Variants in NPTX2 observed in about 807,000 individuals in gnomAD.
NPTX2 encodes the protein neuronal pentraxin-2.
In NPTX2, 23 loss-of-function variants were observed where a neutral mutation model predicts 38.1. The ratio of observed to expected loss-of-function variants is 0.60; its 90% CI spans 0.43 to 0.85. NPTX2 has a LOEUF of 0.85. Ranked by LOEUF, NPTX2 falls within the 40% of genes least tolerant of loss-of-function variation. NPTX2 has a pLI of 0.00. For missense variants in NPTX2, 553 were observed against 615.3 expected (o/e 0.90, Z 1.07); for synonymous variants, 291 against 287.3 (o/e 1.01, Z -0.13).
intron 3 of NPTX2, among the ~76,000 whole-genome samples, chr7:98,626,146 CAAAAAAA>C (rs561364197): frequency 1.1e-3 from 78 of 71,426 alleles, no homozygotes; most frequent in Non-Finnish European, 2.2e-3. Context: ...TACCCTGTCT[CAAAAAAA>C]AAAAAAAAAA....
At chr7:98,627,979 G>C (rs1584144515) in intron 4 of NPTX2, among the ~76,000 whole-genome samples, 1 of 152,216 alleles carries the variant, frequency 6.6e-6, no homozygotes, top group Admixed American at 6.5e-5. Flanking sequence ...GTCTAGGACA[G>C]ATAAGTGTTG....
At chr7:98,620,691 C>T (rs956932202) in intron 2 of NPTX2, among the ~76,000 whole-genome samples, 2 of 152,170 alleles carry the variant, frequency 1.3e-5, no homozygotes, top group Non-Finnish European at 2.9e-5. Context: ...TGTGGCCCTC[C>T]TCCCATGACA....
chr7:98,619,630 C>CGGTGG lies in NPTX2; in HGVS notation c.427-12_427-8dup, dbSNP rs779311484. On this transcript the variant is annotated splice_polypyrimidine_tract_variant and intron_variant, in intron 1 of 4. Transcript: ENST00000265634. ...TCTTTCTGTGCCCCTCCCTCCTCCC[C>CGGTGG]GGTGGCTGAAAGCACCAGCTCAGAG... is the stretch of plus-strand genomic sequence containing the variant. 11 of 1,601,830 alleles carry CGGTGG rather than the reference C, an allele frequency of 6.9e-6. No homozygotes were observed. Among genetic ancestry groups the CGGTGG allele is most frequent in the Non-Finnish European group, 7.7e-6 (9 of 1,170,302 alleles).
intron 2 of NPTX2, among the ~76,000 whole-genome samples, chr7:98,620,795 G>A (rs1306904324): frequency 6.6e-6 from 1 of 152,060 alleles, no homozygotes; most frequent in Non-Finnish European, 1.5e-5. Context: ...TATGGAGTTG[G>A]CACACTAAAG....
At position 98,628,487 on chromosome 7, in the gene NPTX2, C is replaced by T. The variant is rs751365971; in HGVS notation, c.1154C>T (p.Ala385Val). The change falls in exon 5 of 5, where the codon GCA becomes GTA. Residue 385 changes from alanine (A) to valine (V), a missense_variant. By Grantham distance (64) the Ala-to-Val change is moderately conservative (BLOSUM62 0). Coordinates refer to ENST00000265634, the MANE Select transcript of NPTX2 (RefSeq NM_002523.3). ...AACATATGGGACCGCGTCCTTCGCG[C>T]ACAAGAAATTGTCAACATCGCCAAC... ...QFNIWDRVLRAQEIVNIANCS... is the reference protein window; with the variant it reads ...QFNIWDRVLRVQEIVNIANCS... The T allele has an allele frequency of 2.5e-6, 4 of 1,611,424 alleles. No individual in the cohort carries two copies. The highest frequency in any genetic ancestry group is 1.1e-5 in the South Asian group (1 of 90,660).
At chr7:98,624,255 C>G (rs894438005) in intron 2 of NPTX2, among the ~76,000 whole-genome samples, 4 of 152,202 alleles carry the variant, frequency 2.6e-5, no homozygotes, top group Non-Finnish European at 4.4e-5. Flanking sequence ...CTGCACTTGG[C>G]TAATTTTTTA....
rs189667824 is a variant in NPTX2, at chr7:98,620,289, C to T, written c.643+430C>T. The T allele has an allele frequency of 8.0e-5, 16 of 199,292 alleles. No individual in the cohort carries two copies. The East Asian group carries it at 1.2e-3, about 15-fold the overall frequency. 12.3% of individuals were successfully genotyped at this position (199,292 alleles called of 1,614,324 possible). On this transcript the variant is annotated intron_variant, in intron 2 of 4. Coordinates refer to ENST00000265634, the MANE Select transcript of NPTX2 (RefSeq NM_002523.3). ...TTGGGTTTGAAGTTGTAGGTTTGCC[C>T]GTAGTGGGTGTTTATAAGACTGGAA...
intron 3 of NPTX2, among the ~76,000 whole-genome samples, chr7:98,626,491 C>T (rs562850534): frequency 6.6e-6 from 1 of 152,258 alleles, no homozygotes; most frequent in African/African-American, 2.4e-5. Flanking sequence ...TAAATAACAC[C>T]CTATGACACA....
chr7:98,621,173 T>C (rs1239122603), intron 2 of NPTX2, among the ~76,000 whole-genome samples: 2 of 152,108 alleles, frequency 1.3e-5, no homozygotes, highest in African/African-American at 2.4e-5. Context: ...TAAGCCATCA[T>C]CATGGCTTTG....
At position 98,625,044 on chromosome 7, in the gene NPTX2, C is replaced by T. The variant is rs1791326253; in HGVS notation, c.766C>T (p.Leu256=). The T allele has an allele frequency of 6.2e-7, 1 of 1,613,544 alleles. No individual in the cohort carries two copies. ...ELYAFTICLW[L]RSSASPGIGT... ...GTACGCCTTCACCATCTGCCTGTGG[C>T]TGCGGTCCAGCGCCTCACCAGGCAT... Residue 256 remains leucine, a synonymous_variant, in exon 3 of 5, where the codon CTG becomes TTG. Coordinates refer to ENST00000265634, the MANE Select transcript of NPTX2 (RefSeq NM_002523.3).
chr7:98,619,711 G>A lies in NPTX2; in HGVS notation c.495G>A (p.Arg165=), dbSNP rs377012097. ...PGDFREVLQQ[R]LGELERQLLR... ...ACTTCCGCGAGGTGCTCCAGCAGCG[G>A]CTGGGGGAGCTGGAGAGGCAGCTTC... The change falls in exon 2 of 5, where the codon CGG becomes CGA. Residue 165 remains arginine, a synonymous_variant. Transcript: ENST00000265634. 49 of 1,613,154 alleles carry A rather than the reference G, an allele frequency of 3.0e-5. No individual in the cohort carries two copies. Among genetic ancestry groups the A allele is most frequent in the Non-Finnish European group, 3.9e-5 (46 of 1,180,024 alleles).
rs1410794944 is a variant in NPTX2 at position 98,629,161 on chromosome 7, A to G, written c.*532A>G. On this transcript the variant is annotated 3_prime_UTR_variant, in exon 5 of 5. Coordinates refer to ENST00000265634, the MANE Select transcript of NPTX2 (RefSeq NM_002523.3). ...TCCCTTTGTGTTCTATACATTGTGA[A>G]TCTTCCCGTCTGAAGAACGCCCAGC... The G allele has an allele frequency of 6.6e-6, 1 of 152,300 alleles. No individual in the cohort carries two copies. Among genetic ancestry groups the G allele is most frequent in the Non-Finnish European group, 1.5e-5 (1 of 68,168 alleles). 9.4% of individuals were successfully genotyped at this position (152,300 alleles called of 1,614,324 possible).
chr7:98,627,389 T>G, intron 4 of NPTX2, 45 bp downstream of exon 4: 1 of 1,558,358 alleles, frequency 6.4e-7, no homozygotes, highest in Middle Eastern at 1.8e-4. Context: ...GGGTGCAGGA[T>G]GGGCACAGGG....
In NPTX2 at chr7:98,625,125, G is replaced by A. The variant is rs765646407; in HGVS notation, c.847G>A (p.Glu283Lys). The A allele has an allele frequency of 6.2e-6, 10 of 1,607,782 alleles. No homozygotes were observed. Among genetic ancestry groups the A allele is most frequent in the Admixed American group, 5.0e-5 (3 of 59,908 alleles). Residue 283 changes from glutamate to lysine, a missense_variant, in exon 3 of 5, where the codon GAG becomes AAG. By Grantham distance (56) the Glu-to-Lys change is moderately conservative (BLOSUM62 1). Coordinates refer to ENST00000265634, the MANE Select transcript of NPTX2 (RefSeq NM_002523.3). ...PGQANEIVLI[E>K]WGNNPIELLI... ...GCAGGCCAACGAGATCGTGCTGATC[G>A]AGTGGGGCAACAACCCCATCGAGCT... is the stretch of plus-strand genomic sequence containing the variant.
At chr7:98,622,788 A>T (rs1791290248) in intron 2 of NPTX2, among the ~76,000 whole-genome samples, 1 of 152,190 alleles carries the variant, frequency 6.6e-6, no homozygotes, top group African/African-American at 2.4e-5. Context: ...AGTGGCATCG[A>T]GAGGTGCCCA....
At position 98,620,007 on chromosome 7, in the gene NPTX2, G is replaced by GA. The variant is rs1791248989; in HGVS notation, c.643+150dup. 4 of 699,496 alleles carry GA rather than the reference G, an allele frequency of 5.7e-6. No homozygotes were observed. The East Asian group carries it at 8.2e-5, about 14-fold the overall frequency. 43.3% of individuals were successfully genotyped at this position (699,496 alleles called of 1,614,324 possible). A position where few individuals can be genotyped will look rare whatever the true frequency, so the allele number is the denominator to read the frequency against. On this transcript the variant is annotated intron_variant, in intron 2 of 4. Transcript: ENST00000265634. ...GTGTGAGCAAATAATAAAGGCGACT[G>GA]AACAAGGTCATCTCAGGAATGAGCT... is the stretch of plus-strand genomic sequence containing the variant.
rs531238339 is a variant in NPTX2 at position 98,628,593 on chromosome 7, C to T, written c.1260C>T (p.Pro420=). The T allele has an allele frequency of 2.5e-6, 4 of 1,591,760 alleles. No individual in the cohort carries two copies. The highest frequency in any genetic ancestry group is 1.7e-5 in the Admixed American group (1 of 58,762). ...VDVFGGASKW[P]VETCEERLLD... ...TGTTCGGAGGGGCCTCCAAGTGGCC[C>T]GTGGAGACGTGTGAGGAGCGTCTCC... is the stretch of plus-strand genomic sequence containing the variant. The change falls in exon 5 of 5, where the codon CCC becomes CCT. Residue 420 remains proline (P), a synonymous_variant. Transcript: ENST00000265634.
At chr7:98,628,307 G>A in intron 4 of NPTX2, 95 bp from the exon 5 acceptor site, 2 of 646,656 alleles carry the variant, frequency 3.1e-6, no homozygotes, top group Non-Finnish European at 2.8e-6. Context: ...GAGCTGGGGG[G>A]CATCAGAGAA....
At chr7:98,619,036 G>C (rs1442001576) in intron 1 of NPTX2, among the ~76,000 whole-genome samples, 1 of 152,164 alleles carries the variant, frequency 6.6e-6, no homozygotes, top group Non-Finnish European at 1.5e-5. Context: ...AGCTTGCCAT[G>C]AACTCATGGG....
Sources: allele counts gnomAD v4.1 joint callset (sites outside exome capture counted in the v4.1 genomes callset), GRCh38; gene constraint gnomAD v4.1.1; transcripts MANE v1.5; gene names NCBI Gene and HGNC (gene_info 2026-07-23, HGNC 2026-07-21).